Variants in SLC44A3 observed in about 807,000 individuals in gnomAD.
SLC44A3 encodes the protein solute carrier family 44 member 3.
A neutral mutation model predicts 75.4 loss-of-function variants in SLC44A3; 74 were observed. The ratio of observed to expected loss-of-function variants is 0.98; its 90% CI spans 0.81 to 1.19. The LOEUF is 1.19. SLC44A3 is among the 50% of genes most tolerant of loss of function. The pLI, the probability that SLC44A3 is intolerant of heterozygous loss-of-function variation, is 0.00. For missense variants in SLC44A3, 700 were observed against 778.6 expected (o/e 0.90, Z 1.20); for synonymous variants, 310 against 296.9 (o/e 1.04, Z -0.45).
rs1330913587 is a variant in SLC44A3 at position 94,821,075 on chromosome 1, T to G, written c.135+19T>G. On this transcript the variant is annotated intron_variant, in intron 2 of 14. Coordinates refer to ENST00000271227, the MANE Select transcript of SLC44A3 (RefSeq NM_001114106.3). ...TGGTTTGGTAAGTGTGGGTGCTTGG[T>G]AGGAAAGAGGCCAGAGTGTGTGTGC... is the stretch of plus-strand genomic sequence containing the variant. 1.3e-6 allele frequency: 2 copies of G among 1,540,924 alleles called. No individual in the cohort carries two copies. The highest frequency in any genetic ancestry group is 1.8e-6 in the Non-Finnish European group (2 of 1,137,960).
chr1:94,829,716 G>A (rs997627015), intron 5 of SLC44A3, among the ~76,000 whole-genome samples: 3 of 152,184 alleles, frequency 2.0e-5, no homozygotes, highest in Non-Finnish European at 4.4e-5. Context: ...AAAAATGTGA[G>A]TATGTTTACA....
rs1451979921 is a variant in SLC44A3 at position 94,820,977 on chromosome 1, G to A, written c.56G>A (p.Arg19Lys). ...LVSAEGAPRQ[R>K]EWRPQIYRKC... The stretch of plus-strand genomic sequence containing the variant: ...TCTGCAGAAGGAGCCCCTAGGCAAA[G>A]GGAGTGGCGACCCCAGATTTATAGG... Residue 19 changes from arginine to lysine, a missense_variant, in exon 2 of 15, where the codon AGG becomes AAG. Physicochemically the swap from Arg to Lys is conservative, Grantham distance 26. Coordinates refer to ENST00000271227, the MANE Select transcript of SLC44A3 (RefSeq NM_001114106.3). The A allele has an allele frequency of 6.4e-7, 1 of 1,551,472 alleles. No individual in the cohort carries two copies. Among genetic ancestry groups the A allele is most frequent in the Non-Finnish European group, 8.7e-7 (1 of 1,146,900 alleles).
intron 12 of SLC44A3, among the ~76,000 whole-genome samples, chr1:94,871,783 G>A (rs1180141838): frequency 6.6e-6 from 1 of 152,192 alleles, no homozygotes; most frequent in Non-Finnish European, 1.5e-5. Context: ...CATACAACAA[G>A]GAGCTGTTTG....
chr1:94,829,121 A>G (rs751649333), intron 5 of SLC44A3, among the ~76,000 whole-genome samples: 2 of 152,012 alleles, frequency 1.3e-5, no homozygotes, highest in East Asian at 1.9e-4. Flanking sequence ...AAAATATACT[A>G]AAAATACAAA....
In SLC44A3 at chr1:94,861,639, T is replaced by C. The variant is rs568300232; in HGVS notation, c.1239-3104T>C. Among the ~76,000 whole-genome samples, 3 of 152,374 alleles carry C rather than the reference T, an allele frequency of 2.0e-5. No individual in the cohort carries two copies. In the East Asian group the frequency reaches 5.8e-4, roughly 29 times the overall value. On this transcript the variant is annotated intron_variant, in intron 10 of 14. Coordinates refer to ENST00000271227, the MANE Select transcript of SLC44A3 (RefSeq NM_001114106.3). The stretch of plus-strand genomic sequence containing the variant: ...AATTTTGAAACCTCAAGATTTTTCC[T>C]AATCTTCAAAGTTCACAATTCTTCG...
At chr1:94,893,564 C>T (rs1391407133) in intron 14 of SLC44A3, among the ~76,000 whole-genome samples, 6 of 152,012 alleles carry the variant, frequency 3.9e-5, no homozygotes, top group African/African-American at 4.8e-5. Flanking sequence ...TTAGAAGAGA[C>T]GGGGTTTCAC....
chr1:94,870,928 G>A (rs185185500), intron 12 of SLC44A3, among the ~76,000 whole-genome samples: 129 of 152,248 alleles, frequency 8.5e-4, no homozygotes, highest in Non-Finnish European at 1.5e-3. Context: ...TGATTTACCC[G>A]CCTTGGCCTC....
chr1:94,829,482 C>T (rs898714076), intron 5 of SLC44A3, among the ~76,000 whole-genome samples: 2 of 152,124 alleles, frequency 1.3e-5, no homozygotes, highest in African/African-American at 2.4e-5. Flanking sequence ...CTTATTCACC[C>T]CTGTAAATTA....
At chr1:94,886,213 T>C (rs957950387) in intron 12 of SLC44A3, among the ~76,000 whole-genome samples, 7 of 152,002 alleles carry the variant, frequency 4.6e-5, no homozygotes, top group African/African-American at 1.7e-4. Context: ...TAGGCTTGAA[T>C]AGGAATGAGC....
At chr1:94,834,778 C>T (rs537896793) in intron 5 of SLC44A3, among the ~76,000 whole-genome samples, 1 of 152,226 alleles carries the variant, frequency 6.6e-6, no homozygotes, top group African/African-American at 2.4e-5. Flanking sequence ...AGCCACTGCT[C>T]CCGGTGAAAG....
chr1:94,861,663 C>T (rs141290631), intron 10 of SLC44A3, among the ~76,000 whole-genome samples: 4 of 152,300 alleles, frequency 2.6e-5, no homozygotes, highest in African/African-American at 7.2e-5. Flanking sequence ...CACAATTCTT[C>T]GTATCCTTTT....
rs753192543 is a variant in SLC44A3 at position 94,827,656 on chromosome 1, G to C, written c.415+13G>C. On this transcript the variant is annotated intron_variant, in intron 4 of 14. Transcript: ENST00000271227. ...GCAAACACCAGTGGTAGGCACTAAG[G>C]CCTGGTTTGTTCTTTTCCCCATGAT... The C allele has an allele frequency of 6.2e-7, 1 of 1,613,692 alleles. No individual in the cohort carries two copies. The highest frequency in any genetic ancestry group is 2.2e-5 in the East Asian group (1 of 44,890).
intron 3 of SLC44A3, 33 bp from the exon 4 acceptor site, chr1:94,827,474 C>A: frequency 1.2e-6 from 2 of 1,613,650 alleles, no homozygotes; most frequent in Non-Finnish European, 1.7e-6. Context: ...AAGCAATGCT[C>A]TAACACATTC....
intron 11 of SLC44A3, among the ~76,000 whole-genome samples, chr1:94,865,935 A>G (rs930968353): frequency 1.2e-4 from 18 of 152,248 alleles, no homozygotes; most frequent in Admixed American, 5.2e-4. Flanking sequence ...TGATTGGATA[A>G]CACATAAAAT....
chr1:94,856,170 A>T (rs1215600878), intron 9 of SLC44A3, among the ~76,000 whole-genome samples: 1 of 152,194 alleles, frequency 6.6e-6, no homozygotes, highest in Non-Finnish European at 1.5e-5. Context: ...GTGCTCCTGA[A>T]ATTTAATGAT....
Position 94,864,881 on chromosome 1 carries a change from A to G in SLC44A3, c.1377A>G (p.Gln459=), listed in dbSNP as rs113258191. Residue 459 remains glutamine, a synonymous_variant, in exon 11 of 15, where the codon CAA becomes CAG. Transcript: ENST00000271227. ...RIPRIIVMYM[Q]NALKEQQHGA... ...CGAGAATCATTGTCATGTACATGCA[A>G]AACGCACTGAAAGAACAGGTAAGGC... 12 of 1,613,724 alleles carry G rather than the reference A, an allele frequency of 7.4e-6. No homozygotes were observed. In the Admixed American group the frequency reaches 2.0e-4, roughly 27 times the overall value.
intron 12 of SLC44A3, among the ~76,000 whole-genome samples, chr1:94,871,229 G>A (rs1667734429): frequency 6.6e-6 from 1 of 152,196 alleles, no homozygotes; most frequent in South Asian, 2.1e-4. Context: ...GCAGACTTTT[G>A]TGGAGGAAGA....
intron 12 of SLC44A3, among the ~76,000 whole-genome samples, chr1:94,878,244 AAAAC>A (rs1282521810): frequency 8.1e-4 from 116 of 143,176 alleles, no homozygotes; most frequent in African/African-American, 2.7e-3. Context: ...CAAAAAAACC[AAAAC>A]AAACAAACAA....
chr1:94,845,388 G>T lies in SLC44A3; in HGVS notation c.996G>T (p.Gln332His), dbSNP rs959820430. ...GCAGTGCTCCCTTCCTGCTGTTCCA[G>T]CCACTGTGGACATTTGCCATCCTCA... ...AISSAPFLLFQPLWTFAILIF... is the reference protein window; with the variant it reads ...AISSAPFLLFHPLWTFAILIF... The change falls in exon 9 of 15, where the codon CAG (glutamine) becomes CAT (histidine). Residue 332 changes from glutamine (Q) to histidine (H), a missense_variant. Coordinates refer to ENST00000271227, the MANE Select transcript of SLC44A3 (RefSeq NM_001114106.3). 8.1e-6 allele frequency: 13 copies of T among 1,613,966 alleles called. No homozygotes were observed. Among genetic ancestry groups the T allele is most frequent in the South Asian group, 1.1e-5 (1 of 91,076 alleles).
Sources: allele counts gnomAD v4.1 joint callset (sites outside exome capture counted in the v4.1 genomes callset), GRCh38; gene constraint gnomAD v4.1.1; transcripts MANE v1.5; gene names NCBI Gene and HGNC (gene_info 2026-07-23, HGNC 2026-07-21).